The following DIDO1 variants were observed in gnomAD, a reference collection of about 807,000 sequenced individuals.
The protein encoded by DIDO1 is death inducer-obliterator 1.
Under a neutral mutation model 99.4 loss-of-function variants are expected in DIDO1, and 16 were observed. The observed-to-expected ratio is 0.16, with a 90% CI of 0.11 to 0.24. The LOEUF is 0.24. DIDO1 is among the 10% of genes least tolerant of loss of function. DIDO1 has a pLI of 1.00. For synonymous variants in DIDO1, 1,366 were observed against 1,239.1 expected (o/e 1.10, Z -2.15); for missense variants, 2,996 against 3,014.0 (o/e 0.99, Z 0.14).
At chr20:62,912,728 C>T (rs891732159) in intron 2 of DIDO1, among the ~76,000 whole-genome samples, 1 of 152,166 alleles carries the variant, frequency 6.6e-6, no homozygotes, top group Non-Finnish European at 1.5e-5. Context: ...AAAATGAAAG[C>T]CTTAAAAAAT....
At position 62,910,812 on chromosome 20, in the gene DIDO1, G is replaced by A. The variant is rs34047884; in HGVS notation, c.801C>T (p.Asn267=). ...GCTGGCGGCAAATGCAATACAGGGC[G>A]TTGGGGTCGTAACCCTCACATTCAG... The part of the protein sequence containing the change: ...PKPECEGYDP[N]ALYCICRQPH... Residue 267 remains asparagine (N), a synonymous_variant, in exon 3 of 16, where the codon AAC becomes AAT. Transcript: ENST00000395343. The A allele has an allele frequency of 2.0e-3, 3,178 of 1,614,212 alleles. 11 individuals carry two copies. The highest frequency in any genetic ancestry group is 2.3e-3 in the Non-Finnish European group (2,673 of 1,180,030).
chr20:62,934,461 G>A lies in DIDO1; in HGVS notation c.-200+3335C>T, dbSNP rs374369082. The stretch of plus-strand genomic sequence containing the variant: ...ACATACTTCCAGGCTCTTCTCTGGC[G>A]TTCCCTATCCAGAGGATGGTCCCAC... On this transcript the variant is annotated intron_variant, in intron 1 of 15. Transcript: ENST00000266070. 3.9e-5 allele frequency among the ~76,000 whole-genome samples: 6 copies of A among 152,206 alleles called. No homozygotes were observed. In the East Asian group the frequency reaches 9.7e-4, roughly 24 times the overall value.
At position 62,887,164 on chromosome 20, in the gene DIDO1, A is replaced by T. The variant is rs138961767; in HGVS notation, c.3541+3796T>A. On this transcript the variant is annotated intron_variant, in intron 15 of 15. Coordinates refer to ENST00000395343, the MANE Select transcript of DIDO1 (RefSeq NM_001193369.2). ...TGGAAAGCAAACAGGGGCCTAGGAT[A>T]GGTGACCAGGAGCCACCAAATGGTT... The T allele has an allele frequency of 2.8e-4, 275 of 985,508 alleles. No homozygotes were observed. The African/African-American group carries it at 4.5e-3, about 16-fold the overall frequency. The allele number at this position is 985,508 out of a possible 1,614,324, so 61.0% of individuals were successfully genotyped here.
Position 62,879,806 on chromosome 20 carries a change from G to C in DIDO1, c.6150C>G (p.Leu2050=), listed in dbSNP as rs774561484. ...GGCCCTGTCCGGGCGCACTGGAGGA[G>C]AGCGCGGAGGGCGGCCCGGCCTCCT... ...RWEEAGPPSA[L]SSSAPGQGPE... is the part of the protein sequence containing the mutation. Residue 2050 remains leucine (L), a synonymous_variant, in exon 16 of 16, where the codon CTC becomes CTG. Transcript: ENST00000395343. This position sits in a 1 kb window ranked among gnomAD's most constrained non-coding sequence, Gnocchi z 6.3. The C allele has an allele frequency of 1.9e-6, 3 of 1,610,544 alleles. No homozygotes were observed. The highest frequency in any genetic ancestry group is 1.3e-5 in the African/African-American group (1 of 75,024).
chr20:62,911,652 C>A lies in DIDO1; in HGVS notation c.-2-38G>T. On this transcript the variant is annotated intron_variant, in intron 2 of 15. Coordinates refer to ENST00000395343, the MANE Select transcript of DIDO1 (RefSeq NM_001193369.2). This position sits in a 1 kb window ranked among gnomAD's most constrained non-coding sequence, Gnocchi z 7.0. ...TGTAAGCACATAGTGACCAACTGACCACAGAACAAAAGGTGACATTGCCGC... is the reference window on the plus strand; with the variant it reads ...TGTAAGCACATAGTGACCAACTGACAACAGAACAAAAGGTGACATTGCCGC... The A allele has an allele frequency of 6.7e-7, 1 of 1,498,618 alleles. No individual in the cohort carries two copies. 92.8% of individuals were successfully genotyped at this position (1,498,618 alleles called of 1,614,324 possible).
chr20:62,907,187 ATCT>A lies in DIDO1; in HGVS notation c.1331_1333del (p.Lys444del), dbSNP rs1456690324. 11 of 1,614,106 alleles carry A rather than the reference ATCT, an allele frequency of 6.8e-6. No individual in the cohort carries two copies. The Admixed American group carries it at 1.8e-4, about 27-fold the overall frequency. ...CGGAAGACTGGGCTTCTCTGGCTTC[ATCT>A]TCATCTTTTCTTTAGGCTTTGGCTT... On this transcript the variant is annotated inframe_deletion, in exon 5 of 16. Coordinates refer to ENST00000395343, the MANE Select transcript of DIDO1 (RefSeq NM_001193369.2).
rs774605511 is a variant in DIDO1, at chr20:62,911,326, G to A, written c.287C>T (p.Ser96Phe). 47 of 1,608,494 alleles carry A rather than the reference G, an allele frequency of 2.9e-5. 1 individual carries two copies. Among genetic ancestry groups the A allele is most frequent in the Non-Finnish European group, 3.9e-5 (46 of 1,179,982 alleles). The change falls in exon 3 of 16, where the codon TCT becomes TTT. Residue 96 changes from serine to phenylalanine, a missense_variant. By Grantham distance (155) the Ser-to-Phe change is radical. Coordinates refer to ENST00000395343, the MANE Select transcript of DIDO1 (RefSeq NM_001193369.2). This position sits in a 1 kb window ranked among gnomAD's most constrained non-coding sequence, Gnocchi z 7.0. ...GGCGGGGCAGGACGTGGGCTCACCA[G>A]AATCCTCCAGGGAGACAGGCATGCT... Reference protein sequence around the residue: ...RRSMPVSLEDSGEPTSCPATD... With the variant: ...RRSMPVSLEDFGEPTSCPATD...
At chr20:62,908,489 C>T (rs1036301816) in intron 4 of DIDO1, among the ~76,000 whole-genome samples, 1 of 152,202 alleles carries the variant, frequency 6.6e-6, no homozygotes, top group Non-Finnish European at 1.5e-5. Context: ...GGAGGAAACT[C>T]ACGCACCACA....
chr20:62,887,537 G>T, intron 15 of DIDO1: 1 of 985,444 alleles, frequency 1.0e-6, no homozygotes, highest in Non-Finnish European at 1.2e-6. Flanking sequence ...TACTTGGGGA[G>T]AACAGACTGT....
At chr20:62,905,797 C>G in intron 6 of DIDO1, 90 bp downstream of exon 6, 1 of 1,613,228 alleles carries the variant, frequency 6.2e-7, no homozygotes, top group Non-Finnish European at 8.5e-7. Flanking sequence ...TAACACAAAG[C>G]TGCAACTCCC....
In DIDO1 at chr20:62,893,721, G is replaced by A. The variant is rs1004008266; in HGVS notation, c.3046C>T (p.Pro1016Ser). Residue 1016 changes from proline to serine, a missense_variant, in exon 12 of 16, where the codon CCA becomes TCA. Physicochemically the swap from Pro to Ser is moderately conservative, Grantham distance 74 (BLOSUM62 -1). Coordinates refer to ENST00000395343, the MANE Select transcript of DIDO1 (RefSeq NM_001193369.2). ...TATCTTGGGTCAGGAGATGAGGATG[G>A]CTTAGCTAGTATGGACTTGGGCACC... The part of the protein sequence containing the change: ...VMVPKSILAK[P>S]SSSPDPRYLS... 2 of 1,613,862 alleles carry A rather than the reference G, an allele frequency of 1.2e-6. No individual in the cohort carries two copies. Among genetic ancestry groups the A allele is most frequent in the Non-Finnish European group, 1.7e-6 (2 of 1,179,716 alleles).
intron 1 of DIDO1, among the ~76,000 whole-genome samples, chr20:62,933,212 A>G (rs2147612353): frequency 6.6e-6 from 1 of 152,320 alleles, no homozygotes; most frequent in East Asian, 1.9e-4. Flanking sequence ...ATTCTGTCTC[A>G]AACAAAAAAA....
chr20:62,904,717 T>C (rs187900280), intron 6 of DIDO1, among the ~76,000 whole-genome samples: 4 of 142,238 alleles, frequency 2.8e-5, no homozygotes, highest in Non-Finnish European at 4.5e-5. Context: ...GAGGTGGAGC[T>C]TGCAGTGAGC....
At chr20:62,900,400 G>A (rs1008299231) in intron 6 of DIDO1, among the ~76,000 whole-genome samples, 1 of 152,236 alleles carries the variant, frequency 6.6e-6, no homozygotes, top group African/African-American at 2.4e-5. Context: ...AGGCTGGCTG[G>A]CTTGGGTGCT....
intron 1 of DIDO1, among the ~76,000 whole-genome samples, chr20:62,922,196 G>GTA (rs1192483713): frequency 2.2e-4 from 19 of 87,006 alleles, no homozygotes; most frequent in Middle Eastern, 6.9e-3. Context: ...GTGTGTGTGT[G>GTA]TATATATATA....
chr20:62,891,107 C>T lies in DIDO1; in HGVS notation c.3394G>A (p.Ala1132Thr), dbSNP rs770470619. Residue 1132 changes from alanine to threonine, a missense_variant, in exon 15 of 16, where the codon GCC (alanine) becomes ACC (threonine). Physicochemically the swap from Ala to Thr is moderately conservative, Grantham distance 58. Around this residue, in one of 5 missense-constraint regions of DIDO1, gnomAD observed 135 missense variants for 202.3 expected, o/e 0.67. Transcript: ENST00000395343. ...AAATAGGAGTAGAGAGAGATATAGG[C>T]GACCTCCTCTTCCTCTGTGGCGGGG... ...FHPATEEEEVAYISLYSYFSS... is the reference protein window; with the variant it reads ...FHPATEEEEVTYISLYSYFSS... 1.3e-5 allele frequency: 21 copies of T among 1,614,024 alleles called. No individual in the cohort carries two copies. Among genetic ancestry groups the T allele is most frequent in the South Asian group, 4.4e-5 (4 of 91,090 alleles).
chr20:62,887,800 T>G (rs1362981624), intron 15 of DIDO1: 1 of 985,232 alleles, frequency 1.0e-6, no homozygotes, highest in South Asian at 4.7e-5. Flanking sequence ...GGGGGCCCTG[T>G]TGGTAAAGCT....
Position 62,909,870 on chromosome 20 carries a change from T to C in DIDO1, c.990A>G (p.Ser330=), listed in dbSNP as rs1290506318. ...TILQVQDETH[S]ETADQQEAKW... Reference sequence around the variant, plus strand: ...TAGCTTCCTGCTGATCTGCCGTTTCTGAATGAGTCTCATCCTGCACTTGCA... The same window carrying C: ...TAGCTTCCTGCTGATCTGCCGTTTCCGAATGAGTCTCATCCTGCACTTGCA... Residue 330 remains serine (S), a synonymous_variant, in exon 4 of 16, where the codon TCA becomes TCG. Transcript: ENST00000395343. The C allele has an allele frequency of 3.1e-6, 5 of 1,614,126 alleles. No homozygotes were observed. Among genetic ancestry groups the C allele is most frequent in the Non-Finnish European group, 4.2e-6 (5 of 1,180,046 alleles).
intron 2 of DIDO1, among the ~76,000 whole-genome samples, chr20:62,913,302 C>T (rs1287391076): frequency 8.6e-6 from 1 of 116,506 alleles, no homozygotes; most frequent in East Asian, 3.0e-4. Flanking sequence ...AGGGCACCAG[C>T]AGCGACTCCA....
Sources: gnomAD v4.1 joint callset for allele counts (sites outside exome capture counted in the v4.1 genomes callset) on GRCh38, gnomAD v4.1.1 for gene constraint, gnomAD v4.1.1 regional missense constraint, Gnocchi (gnomAD v3.1) non-coding constraint, MANE v1.5 for transcripts, NCBI Gene and HGNC (gene_info 2026-07-23, HGNC 2026-07-21) for gene names.